Variants in PGBD2 observed in about 807,000 individuals in gnomAD.
PGBD2 encodes the protein piggyBac transposable element derived 2.
A neutral mutation model predicts 8.1 loss-of-function variants in PGBD2; 6 were observed. The observed-to-expected ratio is 0.74, with a 90% confidence interval of 0.40 to 1.46. The LOEUF is 1.46. Ranked by LOEUF, PGBD2 falls within the 40% of genes most tolerant of loss-of-function variation. The pLI is 0.02. For synonymous variants in PGBD2, 318 were observed against 272.2 expected (o/e 1.17, Z -1.66); for missense variants, 802 against 739.0 (o/e 1.09, Z -0.99).
chr1:248,908,021 C>G (rs1052837878), intron 1 of PGBD2, among the ~76,000 whole-genome samples: 3 of 152,090 alleles, frequency 2.0e-5, no homozygotes, highest in Admixed American at 1.3e-4. Flanking sequence ...AGCAAAAATT[C>G]CCATGTACGG....
chr1:248,890,527 C>T, the PGBD2 span, among the ~76,000 whole-genome samples: 1 of 152,048 alleles, frequency 6.6e-6, no homozygotes, highest in Non-Finnish European at 1.5e-5. Context: ...TGGTCTCTTA[C>T]CAGTCTAAGG....
intron 1 of PGBD2, among the ~76,000 whole-genome samples, chr1:248,906,817 C>G (rs1033423804): frequency 1.3e-5 from 2 of 151,930 alleles, no homozygotes; most frequent in African/African-American, 4.8e-5. Flanking sequence ...GCTGAGGTTT[C>G]TGAGGGTCTT....
chr1:248,881,840 A>G, the PGBD2 span, among the ~76,000 whole-genome samples: 1 of 152,262 alleles, frequency 6.6e-6, no homozygotes, highest in Middle Eastern at 3.4e-3. Flanking sequence ...TGGTGTAGAC[A>G]GTGTTATGGA....
the PGBD2 span, among the ~76,000 whole-genome samples, chr1:248,876,486 T>G: frequency 2.0e-5 from 3 of 152,244 alleles, no homozygotes; most frequent in Admixed American, 2.0e-4. Flanking sequence ...CAGCGTCCTG[T>G]CAATTATGCA....
Position 248,916,715 on chromosome 1 carries a change from T to C in PGBD2, c.131T>C (p.Ile44Thr). The C allele has an allele frequency of 6.2e-7, 1 of 1,614,130 alleles. No homozygotes were observed. The highest frequency in any genetic ancestry group is 8.5e-7 in the Non-Finnish European group (1 of 1,180,028). Residue 44 changes from isoleucine to threonine, a missense_variant, in exon 3 of 3, where the codon ATT (isoleucine) becomes ACT (threonine). Coordinates refer to ENST00000329291, the MANE Select transcript of PGBD2 (RefSeq NM_170725.3). The part of the protein sequence containing the change: ...ESNNNREEIF[I>T]APPDNAAGEF... ...AACAACAACAGGGAAGAGATTTTCA[T>C]TGCACCTCCCGACAATGCTGCGGGG...
the PGBD2 span, among the ~76,000 whole-genome samples, chr1:248,878,878 T>C: frequency 3.9e-5 from 6 of 152,210 alleles, no homozygotes; most frequent in Admixed American, 3.3e-4. Flanking sequence ...GTATCCACTG[T>C]TGTTATGGCA....
Position 248,917,878 on chromosome 1 carries a change from A to C in PGBD2, c.1294A>C (p.Arg432=). Residue 432 remains arginine, a synonymous_variant, in exon 3 of 3, where the codon AGG becomes CGG. Transcript: ENST00000329291. ...CAATGCTGTGGGCATAGAGCCAGTG[A>C]GGCTGACCAGTCGTCACTCTGGAGC... is the stretch of plus-strand genomic sequence containing the variant. ...CSNAVGIEPV[R]LTSRHSGAAK... 6.2e-7 allele frequency: 1 copy of C among 1,614,224 alleles called. No homozygotes were observed. The highest frequency in any genetic ancestry group is 8.5e-7 in the Non-Finnish European group (1 of 1,180,040).
the PGBD2 span, among the ~76,000 whole-genome samples, chr1:248,900,092 C>T: frequency 4.3e-5 from 6 of 138,158 alleles, no homozygotes; most frequent in East Asian, 1.2e-3. Context: ...TAATAAATAG[C>T]CTACCAAAAA....
At chr1:248,874,927 T>TAGATAGATAGATAGATAGACAGAC in the PGBD2 span, among the ~76,000 whole-genome samples, 9 of 149,396 alleles carry the variant, frequency 6.0e-5, no homozygotes, top group African/African-American at 2.0e-4. Flanking sequence ...GATAGATAGA[T>TAGATAGATAGATAGATAGACAGAC]AGATAGATAG....
intron 1 of PGBD2, among the ~76,000 whole-genome samples, chr1:248,912,327 A>G (rs2103109301): frequency 6.6e-6 from 1 of 152,294 alleles, no homozygotes; most frequent in Middle Eastern, 3.4e-3. Context: ...GTGACTGTCT[A>G]ATCTCCTGGA....
chr1:248,884,079 T>C, the PGBD2 span, among the ~76,000 whole-genome samples: 1 of 152,198 alleles, frequency 6.6e-6, no homozygotes, highest in African/African-American at 2.4e-5. Context: ...TATTTAAATA[T>C]TTAATCCATC....
At chr1:248,891,545 T>C in the PGBD2 span, among the ~76,000 whole-genome samples, 8 of 152,200 alleles carry the variant, frequency 5.3e-5, no homozygotes, top group African/African-American at 1.4e-4. Flanking sequence ...AGAAATATTT[T>C]TGGGCCAGGC....
the PGBD2 span, among the ~76,000 whole-genome samples, chr1:248,885,736 T>C: frequency 1.3e-5 from 2 of 152,220 alleles, no homozygotes; most frequent in African/African-American, 4.8e-5. Context: ...AAGAGAGGAA[T>C]CACGGACCAG....
chr1:248,876,467 A>G, the PGBD2 span, among the ~76,000 whole-genome samples: 2 of 152,178 alleles, frequency 1.3e-5, no homozygotes, highest in East Asian at 1.9e-4. Flanking sequence ...TAAGCAACGT[A>G]TCTTATTCCA....
the PGBD2 span, among the ~76,000 whole-genome samples, chr1:248,893,573 A>G: frequency 1.3e-5 from 2 of 152,224 alleles, no homozygotes; most frequent in African/African-American, 2.4e-5. Context: ...AAAAGGCTGA[A>G]TAATATTCTG....
the PGBD2 span, among the ~76,000 whole-genome samples, chr1:248,877,667 G>A: frequency 6.6e-6 from 1 of 152,142 alleles, no homozygotes; most frequent in African/African-American, 2.4e-5. Context: ...AATTAACTTG[G>A]AAATAGTTCT....
chr1:248,874,257 G>C, the PGBD2 span, among the ~76,000 whole-genome samples: 3 of 152,174 alleles, frequency 2.0e-5, no homozygotes, highest in African/African-American at 7.2e-5. Context: ...TTCCCTGGTG[G>C]TCTAGTGGTT....
upstream of PGBD2, among the ~76,000 whole-genome samples, chr1:248,902,298 C>A (rs978285252): frequency 4.0e-5 from 6 of 151,660 alleles, no homozygotes; most frequent in Non-Finnish European, 5.9e-5. Flanking sequence ...TAATGAGATA[C>A]CATCTCATGC....
the PGBD2 span, among the ~76,000 whole-genome samples, chr1:248,878,547 C>G: frequency 6.6e-6 from 1 of 152,066 alleles, no homozygotes; most frequent in Non-Finnish European, 1.5e-5. Flanking sequence ...AAGACTTTCT[C>G]TCTTATTTAA....
Sources: gnomAD v4.1 joint callset for allele counts (sites outside exome capture counted in the v4.1 genomes callset) on GRCh38, gnomAD v4.1.1 for gene constraint, MANE v1.5 for transcripts, NCBI Gene and HGNC (gene_info 2026-07-23, HGNC 2026-07-21) for gene names.